Variants in ZNF169 observed in about 807,000 individuals in gnomAD.
ZNF169 encodes the protein zinc finger protein 169.
In ZNF169, 11 loss-of-function variants were observed where a neutral mutation model predicts 12.0. The observed-to-expected ratio is 0.92, with a 90% CI of 0.58 to 1.52. ZNF169 has a LOEUF of 1.52. Among genes scored for constraint, ZNF169 ranks in the 40% most tolerant of loss-of-function variants. The pLI is 0.00. For missense variants in ZNF169, 722 were observed against 744.0 expected, an observed-to-expected ratio of 0.97 and a Z score of 0.34; for synonymous variants, 302 against 286.5, an observed-to-expected ratio of 1.05 and a Z score of -0.55.
chr9:94,260,355 A>G (rs933042794), intron 1 of ZNF169, among the ~76,000 whole-genome samples: 1 of 152,168 alleles, frequency 6.6e-6, no homozygotes, highest in African/African-American at 2.4e-5. Flanking sequence ...GCCCAACCTC[A>G]GTCCAGTTAT....
intron 2 of ZNF169, among the ~76,000 whole-genome samples, chr9:94,286,355 G>A (rs547489382): frequency 1.2e-4 from 18 of 152,206 alleles, no homozygotes; most frequent in East Asian, 3.9e-4. Flanking sequence ...ATAGCCATGC[G>A]TATAACTATA....
intron 2 of ZNF169, among the ~76,000 whole-genome samples, chr9:94,283,227 G>A (rs922868613): frequency 1.3e-5 from 2 of 152,050 alleles, no homozygotes; most frequent in Non-Finnish European, 2.9e-5. Context: ...TGGCTAACAC[G>A]GTGAAACTCT....
intron 1 of ZNF169, among the ~76,000 whole-genome samples, chr9:94,268,215 T>C (rs1026004678): frequency 6.6e-6 from 1 of 152,092 alleles, no homozygotes; most frequent in Admixed American, 6.6e-5. Context: ...CAATTGTTTA[T>C]GGATGACAAA....
At chr9:94,268,386 G>T (rs1216030352) in intron 1 of ZNF169, among the ~76,000 whole-genome samples, 19 of 152,102 alleles carry the variant, frequency 1.2e-4, no homozygotes, top group Non-Finnish European at 1.5e-5. Context: ...TACCAACAAT[G>T]TATTTATACA....
chr9:94,266,090 A>C (rs1017455054), intron 1 of ZNF169, among the ~76,000 whole-genome samples: 2 of 151,290 alleles, frequency 1.3e-5, no homozygotes, highest in Non-Finnish European at 3.0e-5. Flanking sequence ...TGTCTCAAAA[A>C]AAAAAAAAAA....
rs556191905 is a variant in ZNF169, at chr9:94,270,468, A to G, written c.-55-8290A>G. ...CAGGGAAATCATTCAATATTTTGCT[A>G]TTAAGTATGGTATTAGTGCTATGTT... On this transcript the variant is annotated intron_variant, in intron 1 of 4. Coordinates refer to ENST00000395395, the MANE Select transcript of ZNF169 (RefSeq NM_194320.4). Among the ~76,000 whole-genome samples, 17 of 150,092 alleles carry G rather than the reference A, an allele frequency of 1.1e-4. No homozygotes were observed. In the South Asian group the frequency reaches 3.3e-3, roughly 29 times the overall value.
At chr9:94,271,159 G>A (rs989961720) in intron 1 of ZNF169, among the ~76,000 whole-genome samples, 2 of 148,628 alleles carry the variant, frequency 1.3e-5, no homozygotes, top group African/African-American at 5.0e-5. Context: ...GCAGTAGCAC[G>A]ATCATGGCTC....
intron 1 of ZNF169, 63 bp from the exon 2 acceptor site, chr9:94,278,695 C>T (rs1830566496): frequency 1.1e-6 from 1 of 921,186 alleles, no homozygotes; most frequent in Admixed American, 2.1e-5. Flanking sequence ...AATTGGGAGG[C>T]TGGACAGAGT....
chr9:94,264,461 GA>G (rs1830256746), intron 1 of ZNF169, among the ~76,000 whole-genome samples: 2 of 152,112 alleles, frequency 1.3e-5, no homozygotes. Context: ...GAAATTAGGA[GA>G]AAAAAGAAAT....
Position 94,291,631 on chromosome 9 carries a change from A to C in ZNF169, c.34-710A>C, listed in dbSNP as rs189789136. On this transcript the variant is annotated intron_variant, in intron 2 of 4. Transcript: ENST00000395395. ...GTAAAGTTTAGTCAGCTTGCCGTATAGAAGAAAAAACAGACAAACAATTGT... is the reference window on the plus strand; with the variant it reads ...GTAAAGTTTAGTCAGCTTGCCGTATCGAAGAAAAAACAGACAAACAATTGT... 4.5e-4 allele frequency among the ~76,000 whole-genome samples: 69 copies of C among 152,212 alleles called. 2 individuals are homozygous for C. The East Asian group carries it at 0.013, about 29-fold the overall frequency.
intron 2 of ZNF169, among the ~76,000 whole-genome samples, chr9:94,286,314 T>G (rs1830718759): frequency 6.6e-6 from 1 of 152,184 alleles, no homozygotes; most frequent in Non-Finnish European, 1.5e-5. Context: ...CCTTTACTGA[T>G]TTTGTTTTGC....
chr9:94,282,620 T>C (rs12337094), intron 2 of ZNF169, among the ~76,000 whole-genome samples: 11,540 of 152,258 alleles, frequency 0.076, 607 homozygotes, highest in Middle Eastern at 0.13. Flanking sequence ...CCCTAAGCAG[T>C]TCCCAGCTTG....
At chr9:94,291,472 A>C (rs1830832187) in intron 2 of ZNF169, among the ~76,000 whole-genome samples, 1 of 152,234 alleles carries the variant, frequency 6.6e-6, no homozygotes, top group South Asian at 2.1e-4. Context: ...TAACCACAGC[A>C]ATAAGGCAAG....
At chr9:94,282,554 T>C (rs1327640768) in intron 2 of ZNF169, among the ~76,000 whole-genome samples, 2 of 152,146 alleles carry the variant, frequency 1.3e-5, no homozygotes, top group African/African-American at 2.4e-5. Context: ...CAAACAGATA[T>C]GCATCTATGT....
At chr9:94,276,130 T>C (rs949096797) in intron 1 of ZNF169, among the ~76,000 whole-genome samples, 12 of 152,184 alleles carry the variant, frequency 7.9e-5, no homozygotes, top group African/African-American at 2.9e-4. Context: ...GAACATCGGT[T>C]AGACCATTTT....
rs767798222 is a variant in ZNF169, at chr9:94,292,447, A to G, written c.140A>G (p.Tyr47Cys). 4 of 1,614,036 alleles carry G rather than the reference A, an allele frequency of 2.5e-6. No individual in the cohort carries two copies. The Admixed American group carries it at 6.7e-5, about 27-fold the overall frequency. ...TACAGGGAGGTGATGCTGGAGAACT[A>G]CAGCCATCTGGTCTCCCTGGGTAAG... Reference protein sequence around the residue: ...TLYREVMLENYSHLVSLGIAF... With the variant: ...TLYREVMLENCSHLVSLGIAF... Residue 47 changes from tyrosine to cysteine, a missense_variant, in exon 3 of 5, where the codon TAC becomes TGC. Tyr to Cys is a radical substitution (Grantham distance 194). Coordinates refer to ENST00000395395, the MANE Select transcript of ZNF169 (RefSeq NM_194320.4).
At chr9:94,270,492 T>C (rs1254535024) in intron 1 of ZNF169, among the ~76,000 whole-genome samples, 1 of 149,038 alleles carries the variant, frequency 6.7e-6, no homozygotes, top group Non-Finnish European at 1.5e-5. Context: ...TAGTGCTATG[T>C]TTTTGTAGAT....
intron 1 of ZNF169, among the ~76,000 whole-genome samples, chr9:94,272,350 T>C (rs997579192): frequency 6.6e-6 from 1 of 152,150 alleles, no homozygotes; most frequent in South Asian, 2.1e-4. Flanking sequence ...TTAAGTATAC[T>C]GTATAATATT....
intron 1 of ZNF169, among the ~76,000 whole-genome samples, chr9:94,265,021 G>GTTTTTTTTTTTT (rs55756013): frequency 5.5e-5 from 5 of 90,642 alleles, no homozygotes; most frequent in Admixed American, 1.6e-4. Context: ...TCTGTACCCT[G>GTTTTTTTTTTTT]TTTTTTTTTT....
Sources: gnomAD v4.1 joint callset for allele counts (sites outside exome capture counted in the v4.1 genomes callset) on GRCh38, gnomAD v4.1.1 for gene constraint, MANE v1.5 for transcripts, NCBI Gene and HGNC (gene_info 2026-07-23, HGNC 2026-07-21) for gene names.